SUPT3H: variants seen among roughly 807,000 people sequenced by gnomAD.
SUPT3H encodes SPT3 homolog, SAGA and STAGA complex component, also known as transcription initiation protein SPT3 homolog.
A neutral mutation model predicts 44.3 loss-of-function variants in SUPT3H; 44 were observed. That is an observed-to-expected ratio of 0.99 (90% CI 0.78 to 1.28). SUPT3H has a LOEUF of 1.28. Among genes scored for constraint, SUPT3H ranks in the 50% most tolerant of loss-of-function variants. The pLI is 0.00. For missense variants in SUPT3H, 380 were observed against 387.1 expected (o/e 0.98, Z 0.15); for synonymous variants, 124 against 125.6 (o/e 0.99, Z 0.09).
chr6:45,160,299 C>G (rs546353016), intron 2 of SUPT3H, among the ~76,000 whole-genome samples: 2 of 152,182 alleles, frequency 1.3e-5, no homozygotes, highest in South Asian at 4.1e-4. Context: ...AAGGGACTTA[C>G]AAAAAGATCT....
At chr6:45,332,129 G>C (rs948202317) in intron 2 of SUPT3H, among the ~76,000 whole-genome samples, 11 of 151,892 alleles carry the variant, frequency 7.2e-5, no homozygotes, top group Non-Finnish European at 1.6e-4. Flanking sequence ...CAAAATTCAT[G>C]TGCTTTCAAT....
chr6:44,813,165 A>G (rs1766651920), intron 11 of SUPT3H, among the ~76,000 whole-genome samples: 1 of 152,152 alleles, frequency 6.6e-6, no homozygotes, highest in Non-Finnish European at 1.5e-5. Flanking sequence ...CCAGAAAATT[A>G]TATCCTCTCT....
intron 10 of SUPT3H, among the ~76,000 whole-genome samples, chr6:44,912,334 T>C (rs1767179651): frequency 6.6e-6 from 1 of 152,216 alleles, no homozygotes; most frequent in Non-Finnish European, 1.5e-5. Context: ...CATACAGTAT[T>C]TGTCCTTTTG....
At chr6:45,238,517 G>A (rs1258232586) in intron 2 of SUPT3H, among the ~76,000 whole-genome samples, 1 of 152,160 alleles carries the variant, frequency 6.6e-6, no homozygotes, top group Non-Finnish European at 1.5e-5. Flanking sequence ...GGAGGCTGAG[G>A]CAGAGTTACA....
chr6:45,369,937 C>T (rs1288984889), intron 1 of SUPT3H, among the ~76,000 whole-genome samples: 1 of 152,094 alleles, frequency 6.6e-6, no homozygotes, highest in Non-Finnish European at 1.5e-5. Flanking sequence ...ATCCTGTGGC[C>T]AGTGTGGCTA....
chr6:44,923,152 T>C (rs370858155), intron 10 of SUPT3H, among the ~76,000 whole-genome samples: 1 of 152,116 alleles, frequency 6.6e-6, no homozygotes, highest in East Asian at 1.9e-4. Flanking sequence ...AGATACAGTA[T>C]ACCTGTTATA....
chr6:45,011,182 T>C (rs1318890142), intron 5 of SUPT3H, among the ~76,000 whole-genome samples: 1 of 152,142 alleles, frequency 6.6e-6, no homozygotes. Flanking sequence ...TCTTTTCTTG[T>C]GATATCTTTG....
At chr6:45,144,266 C>T (rs1006922554) in intron 2 of SUPT3H, among the ~76,000 whole-genome samples, 1 of 152,060 alleles carries the variant, frequency 6.6e-6, no homozygotes, top group African/African-American at 2.4e-5. Context: ...GAACATGTTC[C>T]TGATGGACGT....
intron 10 of SUPT3H, among the ~76,000 whole-genome samples, chr6:44,908,449 C>T (rs1047208696): frequency 6.6e-6 from 1 of 152,066 alleles, no homozygotes; most frequent in Admixed American, 6.5e-5. Context: ...CCGTGTCTGG[C>T]CAGAAATACC....
intron 10 of SUPT3H, among the ~76,000 whole-genome samples, chr6:44,918,517 G>T (rs1768157732): frequency 6.6e-6 from 1 of 152,178 alleles, no homozygotes. Flanking sequence ...GACTTTACTA[G>T]AAGTGGGTAA....
chr6:44,956,101 G>C (rs1047510128), intron 7 of SUPT3H, among the ~76,000 whole-genome samples: 2 of 148,402 alleles, frequency 1.3e-5, no homozygotes, highest in African/African-American at 2.5e-5. Flanking sequence ...CAGCCTGGGC[G>C]AGTGCGAGAC....
At chr6:45,018,501 A>G (rs1373883534) in intron 4 of SUPT3H, among the ~76,000 whole-genome samples, 3 of 152,128 alleles carry the variant, frequency 2.0e-5, no homozygotes, top group African/African-American at 2.4e-5. Context: ...GATAGCTCTT[A>G]TTATTTTGAG....
intron 2 of SUPT3H, among the ~76,000 whole-genome samples, chr6:45,332,695 A>G (rs1787754515): frequency 6.6e-6 from 1 of 151,850 alleles, no homozygotes; most frequent in Admixed American, 6.6e-5. Flanking sequence ...CCTCTATAGC[A>G]TCTATTAAAA....
At chr6:45,242,853 T>C (rs1435582138) in intron 2 of SUPT3H, among the ~76,000 whole-genome samples, 1 of 152,042 alleles carries the variant, frequency 6.6e-6, no homozygotes, top group African/African-American at 2.4e-5. Flanking sequence ...TAGAAACAGA[T>C]GCAGAAATGG....
intron 2 of SUPT3H, among the ~76,000 whole-genome samples, chr6:45,344,444 T>C (rs960932313): frequency 6.6e-6 from 1 of 152,122 alleles, no homozygotes; most frequent in Non-Finnish European, 1.5e-5. Context: ...TGGTTTTTTT[T>C]TTCATTCATG....
At chr6:44,918,335 C>G (rs911354444) in intron 10 of SUPT3H, among the ~76,000 whole-genome samples, 1 of 152,140 alleles carries the variant, frequency 6.6e-6, no homozygotes, top group African/African-American at 2.4e-5. Flanking sequence ...AAAGTCCCCA[C>G]ATCAGATTTA....
rs571431858 is a variant in SUPT3H, at chr6:45,167,816, TA to T, written c.102-61811del. ...AGAAGTTCACTTCTTTATTTTCATT[TA>T]TTTTTTTTTTTTAGACAGAGTTTCA... is the stretch of plus-strand genomic sequence containing the variant. On this transcript the variant is annotated intron_variant, in intron 2 of 10. Transcript: ENST00000371459. Among the ~76,000 whole-genome samples, 689 of 151,956 alleles carry T rather than the reference TA, an allele frequency of 4.5e-3. 4 individuals carry two copies. The highest frequency in any genetic ancestry group is 0.015 in the South Asian group (71 of 4,816).
intron 10 of SUPT3H, among the ~76,000 whole-genome samples, chr6:44,892,812 C>T (rs1763512173): frequency 6.6e-6 from 1 of 152,152 alleles, no homozygotes; most frequent in South Asian, 2.1e-4. Flanking sequence ...GCTCTTTTCA[C>T]CACAGCACAT....
chr6:45,131,129 C>T (rs965941237), intron 2 of SUPT3H, among the ~76,000 whole-genome samples: 1 of 152,132 alleles, frequency 6.6e-6, no homozygotes, highest in African/African-American at 2.4e-5. Flanking sequence ...ATCACTCGCC[C>T]TGCAAGGAGC....
Sources: allele counts gnomAD v4.1 joint callset (sites outside exome capture counted in the v4.1 genomes callset), GRCh38; gene constraint gnomAD v4.1.1; transcripts MANE v1.5; gene names NCBI Gene and HGNC (gene_info 2026-07-23, HGNC 2026-07-21).